CUX2: variants seen among roughly 807,000 people sequenced by gnomAD.
The protein encoded by CUX2 is cut like homeobox 2, also known as homeobox protein cut-like 2.
Under a neutral mutation model 144.8 loss-of-function variants are expected in CUX2, and 40 were observed. That is an observed-to-expected ratio of 0.28 (90% CI 0.21 to 0.36). The LOEUF is 0.36. CUX2 is among the 10% of genes least tolerant of loss of function. The pLI, the probability that CUX2 is intolerant of heterozygous loss-of-function variation, is 1.00. For synonymous variants in CUX2, 827 were observed against 875.6 expected (o/e 0.94, Z 0.98); for missense variants, 1,615 against 1,994.0 (o/e 0.81, Z 3.62).
At chr12:111,259,039 G>A (rs910164145) in intron 3 of CUX2, among the ~76,000 whole-genome samples, 1 of 129,936 alleles carries the variant, frequency 7.7e-6, no homozygotes, top group African/African-American at 4.5e-5. Flanking sequence ...AGCTGTGTGT[G>A]TGTGTGTGTG....
At chr12:111,120,416 C>T (rs758143364) in intron 1 of CUX2, among the ~76,000 whole-genome samples, 1 of 152,038 alleles carries the variant, frequency 6.6e-6, no homozygotes, top group Non-Finnish European at 1.5e-5. Context: ...CCCTTAAAAC[C>T]ACAAATAGCC....
chr12:111,342,311 C>G (rs1257390096), intron 21 of CUX2, among the ~76,000 whole-genome samples: 1 of 151,904 alleles, frequency 6.6e-6, no homozygotes, highest in Non-Finnish European at 1.5e-5. Context: ...GACCTCGTCT[C>G]TACAAAAAAA....
chr12:111,180,405 C>T (rs1363739542), intron 1 of CUX2, among the ~76,000 whole-genome samples: 2 of 152,120 alleles, frequency 1.3e-5, no homozygotes, highest in Non-Finnish European at 2.9e-5. Flanking sequence ...CAGACCTCCA[C>T]CGAAGAACCC....
Position 111,289,051 on chromosome 12 carries a change from A to G in CUX2, c.302-2367A>G, listed in dbSNP as rs1021897914. Among the ~76,000 whole-genome samples, 1 of 152,150 alleles carries G rather than the reference A, an allele frequency of 6.6e-6. No individual in the cohort carries two copies. Among genetic ancestry groups the G allele is most frequent in the Admixed American group, 6.5e-5 (1 of 15,270 alleles). ...GTCAGGAACATAGCTTGAACATGGG[A>G]GGCAGAGATTGCAATGAGCTGAGAT... On this transcript the variant is annotated intron_variant, in intron 4 of 21. Transcript: ENST00000261726. This position sits in a 1 kb window ranked among gnomAD's most constrained non-coding sequence, Gnocchi z 4.1.
chr12:111,337,209 C>T (rs1453281295), intron 19 of CUX2, among the ~76,000 whole-genome samples: 1 of 151,684 alleles, frequency 6.6e-6, no homozygotes, highest in African/African-American at 2.4e-5. Flanking sequence ...AAAAATTAGC[C>T]AGGTGTGGTG....
At chr12:111,308,090 C>A (rs1478627801) in intron 12 of CUX2, among the ~76,000 whole-genome samples, 195 bp from the exon 13 acceptor site, 1 of 152,210 alleles carries the variant, frequency 6.6e-6, no homozygotes. Context: ...AGGCAGCACC[C>A]CTCCAGGTAA....
At chr12:111,245,051 C>T (rs973236521) in intron 3 of CUX2, among the ~76,000 whole-genome samples, 14 of 152,114 alleles carry the variant, frequency 9.2e-5, no homozygotes, top group African/African-American at 3.4e-4. Flanking sequence ...GGTCCCCATC[C>T]AAGCCCCCCT....
At chr12:111,267,434 C>A (rs1036273149) in intron 4 of CUX2, among the ~76,000 whole-genome samples, 37 of 152,226 alleles carry the variant, frequency 2.4e-4, no homozygotes, top group African/African-American at 8.9e-4. Context: ...TTCTCTGTGG[C>A]ACAGAGAGGT....
At position 111,068,957 on chromosome 12, in the gene CUX2, A is replaced by G. The variant is rs1328919533; in HGVS notation, c.63+34717A>G. 6.6e-6 allele frequency among the ~76,000 whole-genome samples: 1 copy of G among 152,102 alleles called. No individual in the cohort carries two copies. The highest frequency in any genetic ancestry group is 2.4e-5 in the African/African-American group (1 of 41,422). On this transcript the variant is annotated intron_variant, in intron 1 of 21. Transcript: ENST00000261726. The surrounding 1 kb of genome is among the most constrained non-coding windows in gnomAD (Gnocchi z 4.9). ...CCCATCTCTACTAATAATACAAAAAATAGCCGGACTGGGTGGCCTGTACCT... is the reference window on the plus strand; with the variant it reads ...CCCATCTCTACTAATAATACAAAAAGTAGCCGGACTGGGTGGCCTGTACCT...
chr12:111,222,409 G>A (rs1881901390), intron 3 of CUX2, among the ~76,000 whole-genome samples: 1 of 152,228 alleles, frequency 6.6e-6, no homozygotes, highest in Non-Finnish European at 1.5e-5. Context: ...GGCCACTGTT[G>A]GGAGATTTTC....
At chr12:111,122,508 A>G (rs1332627231) in intron 1 of CUX2, among the ~76,000 whole-genome samples, 1 of 152,230 alleles carries the variant, frequency 6.6e-6, no homozygotes, top group Non-Finnish European at 1.5e-5. Flanking sequence ...ATGCAAAGAT[A>G]AAAGGATTTC....
intron 4 of CUX2, among the ~76,000 whole-genome samples, chr12:111,279,924 G>A (rs939757115): frequency 6.6e-6 from 1 of 152,204 alleles, no homozygotes; most frequent in Admixed American, 6.5e-5. Context: ...GGAGGTTGCA[G>A]TGAGCCGAGA....
Position 111,310,661 on chromosome 12 carries a change from A to G in CUX2, c.1879A>G (p.Thr627Ala). 1.3e-6 allele frequency: 2 copies of G among 1,594,174 alleles called. No individual in the cohort carries two copies. Among genetic ancestry groups the G allele is most frequent in the Non-Finnish European group, 1.7e-6 (2 of 1,164,838 alleles). The change falls in exon 15 of 22, where the codon ACC becomes GCC. Residue 627 changes from threonine (T) to alanine (A), a missense_variant. Transcript: ENST00000261726. This position sits in a 1 kb window ranked among gnomAD's most constrained non-coding sequence, Gnocchi z 7.9. ...SDEQNVLALR[T>A]IQVRQRGSIT... ...TGAGCAGAATGTACTGGCGCTCAGGACCATCCAAGTGCGGCAGCGAGGTGA... is the reference window on the plus strand; with the variant it reads ...TGAGCAGAATGTACTGGCGCTCAGGGCCATCCAAGTGCGGCAGCGAGGTGA...
chr12:111,219,950 C>A (rs995008348), intron 3 of CUX2, among the ~76,000 whole-genome samples: 1 of 152,096 alleles, frequency 6.6e-6, no homozygotes, highest in Non-Finnish European at 1.5e-5. Flanking sequence ...TCGAGACCAG[C>A]CTGGCCAACA....
Position 111,322,720 on chromosome 12 carries a change from G to T in CUX2, c.2926+140G>T. 1 of 1,119,310 alleles carries T rather than the reference G, an allele frequency of 8.9e-7. No individual in the cohort carries two copies. The highest frequency in any genetic ancestry group is 1.3e-6 in the Non-Finnish European group (1 of 789,964). The allele number at this position is 1,119,310 out of a possible 1,614,324, so 69.3% of individuals were successfully genotyped here. Reference sequence around the variant, plus strand: ...GGCTTTCATCCCAGTCACTGTCATGGCTGCACTGGAACATGGCGGGGGGTC... The same window carrying T: ...GGCTTTCATCCCAGTCACTGTCATGTCTGCACTGGAACATGGCGGGGGGTC... On this transcript the variant is annotated intron_variant, in intron 18 of 21. Coordinates refer to ENST00000261726, the MANE Select transcript of CUX2 (RefSeq NM_015267.4). This position sits in a 1 kb window ranked among gnomAD's most constrained non-coding sequence, Gnocchi z 4.2.
chr12:111,081,904 C>T (rs980825470), intron 1 of CUX2, among the ~76,000 whole-genome samples: 1 of 152,042 alleles, frequency 6.6e-6, no homozygotes, highest in African/African-American at 2.4e-5. Context: ...GAGGGCAGGC[C>T]AGAAGTATTG....
intron 1 of CUX2, among the ~76,000 whole-genome samples, chr12:111,169,404 T>C (rs560876534): frequency 6.6e-6 from 1 of 152,252 alleles, no homozygotes; most frequent in South Asian, 2.1e-4. Context: ...CCCTAGTTGG[T>C]GGTAATTCAT....
chr12:111,069,549 TGTGC>T (rs774594238), intron 1 of CUX2, among the ~76,000 whole-genome samples: 2 of 150,326 alleles, frequency 1.3e-5, no homozygotes, highest in Non-Finnish European at 3.0e-5. Context: ...TGTGTGTGTG[TGTGC>T]GCGCGCGTGT....
chr12:111,080,946 A>G lies in CUX2; in HGVS notation c.63+46706A>G, dbSNP rs111882664. Among the ~76,000 whole-genome samples the G allele has an allele frequency of 1.2e-3, 182 of 152,350 alleles. 1 individual carries two copies. The highest frequency in any genetic ancestry group is 4.2e-3 in the African/African-American group (176 of 41,586). Reference sequence around the variant, plus strand: ...CATCTATAAAGTGGAGACGCTGCTGATAATAGCTATGATAGAGTTATTGTG... The same window carrying G: ...CATCTATAAAGTGGAGACGCTGCTGGTAATAGCTATGATAGAGTTATTGTG... On this transcript the variant is annotated intron_variant, in intron 1 of 21. Transcript: ENST00000261726.
Sources: gnomAD v4.1 joint callset for allele counts (sites outside exome capture counted in the v4.1 genomes callset) on GRCh38, gnomAD v4.1.1 for gene constraint, Gnocchi (gnomAD v3.1) non-coding constraint, MANE v1.5 for transcripts, NCBI Gene and HGNC (gene_info 2026-07-23, HGNC 2026-07-21) for gene names.